The following KCNQ5 variants were observed in gnomAD, a reference collection of about 807,000 sequenced individuals.
The protein encoded by KCNQ5 is potassium voltage-gated channel subfamily Q member 5.
KCNQ5 carries 30 observed loss-of-function variants against 98.2 expected under a neutral mutation model. That is an observed-to-expected ratio of 0.31 (90% CI 0.23 to 0.41). The LOEUF is 0.41. Among genes scored for constraint, KCNQ5 ranks in the 10% least tolerant of loss-of-function variants. The probability of loss-of-function intolerance (pLI) is 1.00; values close to 1 mark genes in which losing one functional copy is unlikely to be tolerated. For missense variants in KCNQ5, 835 were observed against 1,182.5 expected (o/e 0.71, Z 4.31); for synonymous variants, 458 against 449.4 (o/e 1.02, Z -0.24).
At chr6:72,970,814 G>C (rs988998385) in intron 1 of KCNQ5, among the ~76,000 whole-genome samples, 2 of 152,124 alleles carry the variant, frequency 1.3e-5, no homozygotes, top group Non-Finnish European at 2.9e-5. Flanking sequence ...AGCTGAAACT[G>C]GATCCCTTCC....
intron 1 of KCNQ5, among the ~76,000 whole-genome samples, chr6:72,739,393 G>A (rs908201341): frequency 2.0e-5 from 3 of 152,004 alleles, no homozygotes; most frequent in Non-Finnish European, 4.4e-5. Flanking sequence ...GTATGCTATG[G>A]GGGCCAACAC....
At chr6:72,840,859 G>GCA (rs1284646896) in intron 1 of KCNQ5, among the ~76,000 whole-genome samples, 1 of 152,176 alleles carries the variant, frequency 6.6e-6, no homozygotes, top group Admixed American at 6.5e-5. Flanking sequence ...TATGGCACCA[G>GCA]CACACACAGT....
At chr6:73,156,326 A>C (rs1777360925) in intron 10 of KCNQ5, among the ~76,000 whole-genome samples, 2 of 152,248 alleles carry the variant, frequency 1.3e-5, no homozygotes, top group Admixed American at 1.3e-4. Flanking sequence ...CTTTATTTAA[A>C]TTCCTAAAAT....
intron 1 of KCNQ5, among the ~76,000 whole-genome samples, chr6:72,759,349 T>A (rs1323028147): frequency 6.6e-6 from 1 of 152,062 alleles, no homozygotes; most frequent in Non-Finnish European, 1.5e-5. Context: ...TCTTTCCTCA[T>A]CCAGTTATAA....
intron 9 of KCNQ5, among the ~76,000 whole-genome samples, chr6:73,127,368 A>G (rs182877563): frequency 3.3e-5 from 5 of 152,276 alleles, no homozygotes; most frequent in Admixed American, 3.3e-4. Context: ...CCCAAGCAGG[A>G]GCCAACATTT....
At chr6:73,076,205 G>A (rs1008190566) in intron 3 of KCNQ5, among the ~76,000 whole-genome samples, 23 of 152,312 alleles carry the variant, frequency 1.5e-4, no homozygotes, top group Admixed American at 1.2e-3. Context: ...TCAGTGCAGG[G>A]AGAAGGATGA....
intron 1 of KCNQ5, among the ~76,000 whole-genome samples, chr6:72,724,629 G>A (rs955280962): frequency 3.3e-5 from 5 of 151,718 alleles, no homozygotes; most frequent in East Asian, 1.9e-4. Context: ...TGGAGGATTC[G>A]TTTGAAAAAA....
chr6:73,035,734 A>G (rs1771383334), intron 2 of KCNQ5, among the ~76,000 whole-genome samples: 3 of 152,186 alleles, frequency 2.0e-5, no homozygotes, highest in African/African-American at 7.2e-5. Flanking sequence ...TGAAGAACAC[A>G]TTTCCTCTTA....
chr6:72,777,076 G>C (rs1186177058), intron 1 of KCNQ5, among the ~76,000 whole-genome samples: 3 of 152,234 alleles, frequency 2.0e-5, no homozygotes, highest in African/African-American at 2.4e-5. Flanking sequence ...AGGAACTGCA[G>C]AATAGTGTAA....
At chr6:72,728,025 C>G (rs1309882181) in intron 1 of KCNQ5, among the ~76,000 whole-genome samples, 1 of 152,174 alleles carries the variant, frequency 6.6e-6, no homozygotes, top group Non-Finnish European at 1.5e-5. Context: ...TAATCCTCTG[C>G]TAGTGTACTT....
chr6:73,058,650 T>C (rs907682620), intron 3 of KCNQ5, among the ~76,000 whole-genome samples: 1 of 152,150 alleles, frequency 6.6e-6, no homozygotes, highest in Admixed American at 6.5e-5. Flanking sequence ...AGAAAATATT[T>C]GCAAACTATG....
chr6:72,875,554 T>C (rs889411058), intron 1 of KCNQ5, among the ~76,000 whole-genome samples: 1 of 152,176 alleles, frequency 6.6e-6, no homozygotes, highest in Non-Finnish European at 1.5e-5. Flanking sequence ...TCATAATGTG[T>C]GAAACATCTT....
chr6:72,805,801 A>G (rs540722017), intron 1 of KCNQ5, among the ~76,000 whole-genome samples: 23 of 152,168 alleles, frequency 1.5e-4, no homozygotes, highest in Admixed American at 3.9e-4. Context: ...ACCTATGGAC[A>G]TGGAATATCT....
chr6:72,706,172 A>G (rs982202331), intron 1 of KCNQ5, among the ~76,000 whole-genome samples: 1 of 152,048 alleles, frequency 6.6e-6, no homozygotes, highest in African/African-American at 2.4e-5. Context: ...GAATTATTGA[A>G]TGGATCAAAA....
intron 5 of KCNQ5, among the ~76,000 whole-genome samples, chr6:73,087,314 A>C (rs1431992495): frequency 6.6e-6 from 1 of 152,194 alleles, no homozygotes; most frequent in African/African-American, 2.4e-5. Context: ...GGGGGGAGTG[A>C]GGGAAATGAA....
At position 73,195,725 on chromosome 6, in the gene KCNQ5, T is replaced by C. The variant is rs1195423394; in HGVS notation, c.*311T>C. ...TTAGGTCATTTAGAAGATTTGACAC[T>C]GTATTTTGAAATTATGGGAGTAAAC... On this transcript the variant is annotated 3_prime_UTR_variant, in exon 14 of 14. Transcript: ENST00000370398. The C allele has an allele frequency of 1.1e-5, 3 of 275,130 alleles. No homozygotes were observed. Among genetic ancestry groups the C allele is most frequent in the Non-Finnish European group, 2.1e-5 (3 of 143,932 alleles). The allele number at this position is 275,130 out of a possible 1,614,324, so 17.0% of individuals were successfully genotyped here.
intron 2 of KCNQ5, among the ~76,000 whole-genome samples, chr6:73,005,906 C>T (rs571560117): frequency 3.3e-5 from 5 of 152,166 alleles, no homozygotes; most frequent in African/African-American, 7.2e-5. Context: ...ATTCTCAAAA[C>T]CTACCTAGAA....
intron 1 of KCNQ5, among the ~76,000 whole-genome samples, chr6:72,876,205 A>G (rs947608683): frequency 3.3e-5 from 5 of 152,142 alleles, no homozygotes; most frequent in Admixed American, 3.3e-4. Flanking sequence ...CAAATTTAAA[A>G]CCAGTAATTT....
intron 1 of KCNQ5, among the ~76,000 whole-genome samples, chr6:72,698,185 A>T (rs1768599108): frequency 6.6e-6 from 1 of 152,192 alleles, no homozygotes; most frequent in Non-Finnish European, 1.5e-5. Flanking sequence ...AGCACCAGTA[A>T]AAATGAATGT....
Sources: allele counts gnomAD v4.1 joint callset (sites outside exome capture counted in the v4.1 genomes callset), GRCh38; gene constraint gnomAD v4.1.1; transcripts MANE v1.5; gene names NCBI Gene and HGNC (gene_info 2026-07-23, HGNC 2026-07-21).